Variants in YLPM1 observed in about 807,000 individuals in gnomAD.
YLPM1 encodes the protein YLP motif containing 1.
In YLPM1, 99 loss-of-function variants were observed where a neutral mutation model predicts 230.0. That is an observed-to-expected ratio of 0.43 (90% CI 0.37 to 0.51). The LOEUF (loss-of-function observed/expected upper bound fraction) is 0.51. Ranked by LOEUF, YLPM1 falls within the 20% of genes least tolerant of loss-of-function variation. YLPM1 has a pLI of 0.00. For synonymous variants in YLPM1, 984 were observed against 942.5 expected (o/e 1.04, Z -0.81); for missense variants, 2,592 against 2,707.7 (o/e 0.96, Z 0.95).
chr14:74,788,860 G>A (rs772081984), intron 4 of YLPM1, among the ~76,000 whole-genome samples: 4 of 152,016 alleles, frequency 2.6e-5, no homozygotes, highest in East Asian at 1.9e-4. Flanking sequence ...AAAAGAAACC[G>A]TAAGGCTACA....
At chr14:74,827,682 C>G in intron 18 of YLPM1, 1 of 985,322 alleles carries the variant, frequency 1.0e-6, no homozygotes. Flanking sequence ...GTTTGGAAAT[C>G]CTTTGAGGTT....
At position 74,786,361 on chromosome 14, in the gene YLPM1, C is replaced by CAA. The variant is rs57016882; in HGVS notation, c.2282+4056_2282+4057dup. Reference sequence around the variant, plus strand: ...TGGGTGACAGAGTGAGACTCCGTCTCAAAAAAAAAAAAAAAAAAAAAGGCA... The same window carrying CAA: ...TGGGTGACAGAGTGAGACTCCGTCTCAAAAAAAAAAAAAAAAAAAAAAAGGCA... On this transcript the variant is annotated intron_variant, in intron 4 of 20. Coordinates refer to ENST00000325680, the MANE Select transcript of YLPM1 (RefSeq NM_019589.3). Among the ~76,000 whole-genome samples, 279 of 80,090 alleles carry CAA rather than the reference C, an allele frequency of 3.5e-3. 2 individuals are homozygous for CAA. The highest frequency in any genetic ancestry group is 0.01 in the African/African-American group (200 of 19,092). 52.5% of individuals were successfully genotyped at this position (80,090 alleles called of 152,430 possible).
intron 19 of YLPM1, among the ~76,000 whole-genome samples, chr14:74,830,154 A>G (rs1042337704): frequency 1.3e-5 from 2 of 152,226 alleles, no homozygotes; most frequent in African/African-American, 4.8e-5. Context: ...TGTTGGCAAC[A>G]TGGAGGTCAC....
intron 1 of YLPM1, among the ~76,000 whole-genome samples, chr14:74,769,851 ACCCCC>A (rs113231747): frequency 2.6e-5 from 2 of 76,734 alleles, no homozygotes; most frequent in Non-Finnish European, 2.6e-5. Flanking sequence ...AAAGTGAGAC[ACCCCC>A]CCCCCCGCCC....
At chr14:74,806,583 C>CA (rs1257036557) in intron 6 of YLPM1, among the ~76,000 whole-genome samples, 2 of 151,492 alleles carry the variant, frequency 1.3e-5, no homozygotes, top group Non-Finnish European at 2.9e-5. Flanking sequence ...GACTCTGTCT[C>CA]AAAAAAATAT....
At position 74,778,333 on chromosome 14, in the gene YLPM1, C is replaced by CT. The variant is rs1200719425; in HGVS notation, c.874-107dup. 3.5e-5 allele frequency: 33 copies of CT among 935,942 alleles called. No homozygotes were observed. In the South Asian group the frequency reaches 4.0e-4, roughly 11 times the overall value. The allele number at this position is 935,942 out of a possible 1,614,324, so 58.0% of individuals were successfully genotyped here. On this transcript the variant is annotated intron_variant, in intron 1 of 20. Coordinates refer to ENST00000325680, the MANE Select transcript of YLPM1 (RefSeq NM_019589.3). ...TTTGTCTTCCTCAGTCTAGCTTTGC[C>CT]TTTTTTTACATATAGACACATGAAC...
intron 4 of YLPM1, among the ~76,000 whole-genome samples, chr14:74,782,674 T>C (rs117783490): frequency 2.0e-5 from 3 of 152,220 alleles, no homozygotes; most frequent in Non-Finnish European, 2.9e-5. Flanking sequence ...GAATTGGCAA[T>C]TACTATTTGT....
chr14:74,824,392 C>T, intron 18 of YLPM1, 85 bp downstream of exon 18: 1 of 1,367,526 alleles, frequency 7.3e-7, no homozygotes, highest in Non-Finnish European at 1.0e-6. Context: ...GAACAAATTT[C>T]CTAAAACTTC....
At chr14:74,801,761 C>T (rs958968082) in intron 5 of YLPM1, among the ~76,000 whole-genome samples, 1 of 152,164 alleles carries the variant, frequency 6.6e-6, no homozygotes, top group Admixed American at 6.6e-5. Flanking sequence ...CTGGTGTTAC[C>T]ATATCTCTTT....
rs566298148 is a variant in YLPM1, at chr14:74,798,335, A to G, written c.3038A>G (p.Asn1013Ser). The change falls in exon 5 of 21, where the codon AAT becomes AGT. Residue 1013 changes from asparagine (N) to serine (S), a missense_variant. Transcript: ENST00000325680. ...PDNRDNRLEGNRGNSSSYRGP... is the reference protein window; with the variant it reads ...PDNRDNRLEGSRGNSSSYRGP... ...AATAGAGATAATAGATTAGAAGGCA[A>G]TAGAGGCAACAGCTCATCTTACAGA... 6 of 1,614,032 alleles carry G rather than the reference A, an allele frequency of 3.7e-6. No individual in the cohort carries two copies. The highest frequency in any genetic ancestry group is 1.1e-5 in the South Asian group (1 of 91,082).
chr14:74,781,821 C>G lies in YLPM1; in HGVS notation c.1778C>G (p.Pro593Arg), dbSNP rs763699492. ...GCAGGGCCACCACCAGTTCTCCCCCCACCTTCCCTGTCTTCTGCAGGGCCA... is the reference window on the plus strand; with the variant it reads ...GCAGGGCCACCACCAGTTCTCCCCCGACCTTCCCTGTCTTCTGCAGGGCCA... ...SSAGPPPVLPPPSLSSAGPPP... is the reference protein window; with the variant it reads ...SSAGPPPVLPRPSLSSAGPPP... The change falls in exon 4 of 21, where the codon CCA becomes CGA. Residue 593 changes from proline (P) to arginine (R), a missense_variant. By Grantham distance (103) the Pro-to-Arg change is moderately radical. Around this residue, in one of 4 missense-constraint regions of YLPM1, gnomAD observed 1,862 missense variants for 1,819.8 expected, o/e 1.02. Transcript: ENST00000325680. 5 of 1,612,442 alleles carry G rather than the reference C, an allele frequency of 3.1e-6. No individual in the cohort carries two copies. Among genetic ancestry groups the G allele is most frequent in the Non-Finnish European group, 4.2e-6 (5 of 1,179,162 alleles).
Position 74,767,171 on chromosome 14 carries a change from C to T in YLPM1, c.873+2809C>T, listed in dbSNP as rs141427637. ...TGCTGGGATTACAGGCGTGAGCCAC[C>T]GTGCCCGGCCAAGACCCTTTCTTAG... On this transcript the variant is annotated intron_variant, in intron 1 of 20. Coordinates refer to ENST00000325680, the MANE Select transcript of YLPM1 (RefSeq NM_019589.3). 5.4e-4 allele frequency among the ~76,000 whole-genome samples: 82 copies of T among 152,208 alleles called. 4 individuals are homozygous for T. In the East Asian group the frequency reaches 0.01, roughly 19 times the overall value.
Position 74,827,464 on chromosome 14 carries a change from A to T in YLPM1, c.6164-1749A>T, listed in dbSNP as rs913272985. On this transcript the variant is annotated intron_variant, in intron 18 of 20. Transcript: ENST00000325680. ...ATAAAATTTCAAATTAAACATTTCA[A>T]AAAGGGTGCTCAGACTAGAAATACA... The T allele has an allele frequency of 1.8e-5, 18 of 985,316 alleles. 1 individual carries two copies. In the South Asian group the frequency reaches 7.5e-4, roughly 41 times the overall value. The allele number at this position is 985,316 out of a possible 1,614,324, so 61.0% of individuals were successfully genotyped here.
At chr14:74,816,811 T>G (rs908759313) in intron 13 of YLPM1, 120 bp from the exon 14 acceptor site, 11 of 1,432,966 alleles carry the variant, frequency 7.7e-6, no homozygotes, top group Non-Finnish European at 9.3e-6. Context: ...ACACAGTACT[T>G]TAGTACTTGG....
In YLPM1 at chr14:74,831,835, G is replaced by A. The variant is rs1201011127; in HGVS notation, c.6294+2492G>A. ...GTTACAGATATCAGATGGGTTCTTG[G>A]GATTAACTTCCTCTATAACAAAAAC... On this transcript the variant is annotated intron_variant, in intron 19 of 20. Transcript: ENST00000325680. Among the ~76,000 whole-genome samples, 4 of 152,246 alleles carry A rather than the reference G, an allele frequency of 2.6e-5. No individual in the cohort carries two copies. In the South Asian group the frequency reaches 6.2e-4, roughly 24 times the overall value.
rs1207760214 is a variant in YLPM1, at chr14:74,778,361, A to AGACATATAGACACATGAACACC, written c.874-80_874-79insTAGACACATGAACACCGACATA. 16 of 1,164,854 alleles carry AGACATATAGACACATGAACACC rather than the reference A, an allele frequency of 1.4e-5. No individual in the cohort carries two copies. In the African/African-American group the frequency reaches 2.2e-4, roughly 16 times the overall value. 72.2% of individuals were successfully genotyped at this position (1,164,854 alleles called of 1,614,324 possible). A position where few individuals can be genotyped will look rare whatever the true frequency, so the allele number is the denominator to read the frequency against. On this transcript the variant is annotated intron_variant, in intron 1 of 20. Coordinates refer to ENST00000325680, the MANE Select transcript of YLPM1 (RefSeq NM_019589.3). ...TTTTTACATATAGACACATGAACACAGACATAAAGATAGGTCCTTGTCAAC... is the reference window on the plus strand; with the variant it reads ...TTTTTACATATAGACACATGAACACAGACATATAGACACATGAACACCGACATAAAGATAGGTCCTTGTCAAC...
rs1396209556 is a variant in YLPM1 at position 74,809,560 on chromosome 14, G to A, written c.4702G>A (p.Ala1568Thr). 6.2e-7 allele frequency: 1 copy of A among 1,606,768 alleles called. No homozygotes were observed. Among genetic ancestry groups the A allele is most frequent in the Non-Finnish European group, 8.5e-7 (1 of 1,176,160 alleles). ...TCCAGTGATAAAGCCACAAACTTCA[G>A]CTGTAGAACAGGAACGATGGGATGA... The part of the protein sequence containing the change: ...PPPVIKPQTS[A>T]VEQERWDEDS... The change falls in exon 7 of 21, where the codon GCT becomes ACT. Residue 1568 changes from alanine to threonine, a missense_variant. Coordinates refer to ENST00000325680, the MANE Select transcript of YLPM1 (RefSeq NM_019589.3).
chr14:74,812,460 C>G (rs2091442354), intron 10 of YLPM1, among the ~76,000 whole-genome samples, 168 bp from the exon 11 acceptor site: 1 of 152,178 alleles, frequency 6.6e-6, no homozygotes, highest in Admixed American at 6.5e-5. Context: ...ATTTTCTTGA[C>G]TTCAGTAGAT....
At chr14:74,806,400 A>G (rs989846836) in intron 6 of YLPM1, among the ~76,000 whole-genome samples, 19 of 152,072 alleles carry the variant, frequency 1.2e-4, no homozygotes, top group African/African-American at 4.6e-4. Context: ...AGCTTGGCCA[A>G]CATGGTGAAC....
Sources: allele counts gnomAD v4.1 joint callset (sites outside exome capture counted in the v4.1 genomes callset), GRCh38; gene constraint gnomAD v4.1.1; regional missense constraint gnomAD v4.1.1; transcripts MANE v1.5; gene names NCBI Gene and HGNC (gene_info 2026-07-23, HGNC 2026-07-21).